The following SYNE1 variants were observed in gnomAD, a reference collection of about 807,000 sequenced individuals.
SYNE1 encodes spectrin repeat containing nuclear envelope protein 1, also known as nesprin-1.
In SYNE1, 616 loss-of-function variants were observed where a neutral mutation model predicts 1,111.0. The observed-to-expected ratio is 0.55, with a 90% CI of 0.52 to 0.59. The LOEUF (loss-of-function observed/expected upper bound fraction) is 0.59. Among genes scored for constraint, SYNE1 ranks in the 20% least tolerant of loss-of-function variants. The pLI is 0.00. For synonymous variants in SYNE1, 3,855 were observed against 3,825.8 expected, an observed-to-expected ratio of 1.01 and a Z score of -0.28; for missense variants, 10,006 against 10,417.0, an observed-to-expected ratio of 0.96 and a Z score of 1.72.
intron 101 of SYNE1, among the ~76,000 whole-genome samples, chr6:152,259,884 T>C (rs2091682432): frequency 1.3e-5 from 2 of 151,980 alleles, no homozygotes; most frequent in Non-Finnish European, 2.9e-5. Context: ...AAAAAGAACA[T>C]TCAATGCTTT....
Position 152,482,958 on chromosome 6 carries a change from T to C in SYNE1, c.1350+127A>G, listed in dbSNP as rs1593629754. 10 of 1,038,888 alleles carry C rather than the reference T, an allele frequency of 9.6e-6. No homozygotes were observed. The East Asian group carries it at 2.4e-4, about 25-fold the overall frequency. 64.4% of individuals were successfully genotyped at this position (1,038,888 alleles called of 1,614,324 possible). A position where few individuals can be genotyped will look rare whatever the true frequency, so the allele number is the denominator to read the frequency against. ...ATCAAATTAGAGAACTCTAAGAAGG[T>C]GTGACGTCTCCGATCATGTAGAATT... On this transcript the variant is annotated intron_variant, in intron 14 of 145. Coordinates refer to ENST00000367255, the MANE Select transcript of SYNE1 (RefSeq NM_182961.4).
In SYNE1 at chr6:152,362,189, G is replaced by C. The variant is rs758991223; in HGVS notation, c.10280C>G (p.Thr3427Arg). The change falls in exon 64 of 146, where the codon ACG becomes AGG. Residue 3427 changes from threonine (T) to arginine (R), a missense_variant. Physicochemically the swap from Thr to Arg is moderately conservative, Grantham distance 71. Transcript: ENST00000367255. ...RQHAELRDKTTMLGKAKLLNE... is the reference protein window; with the variant it reads ...RQHAELRDKTRMLGKAKLLNE... ...TCTCACCTTGGCTTTTCCGAGCATC[G>C]TTGTTTTATCCCGCAGCTCCGCATG... 16 of 1,614,068 alleles carry C rather than the reference G, an allele frequency of 9.9e-6. No homozygotes were observed. The South Asian group carries it at 1.8e-4, about 18-fold the overall frequency.
At chr6:152,386,583 A>C (rs7764344) in intron 54 of SYNE1, among the ~76,000 whole-genome samples, 6,682 of 152,272 alleles carry the variant, frequency 0.044, 194 homozygotes, top group African/African-American at 0.081. Context: ...AAAGATTCAT[A>C]TAGAGAATTG....
chr6:152,236,009 T>G, intron 110 of SYNE1, 98 bp downstream of exon 110: 96 of 1,354,070 alleles, frequency 7.1e-5, no homozygotes, highest in Middle Eastern at 2.2e-4. Flanking sequence ...ACCCAAGTAA[T>G]GAGATTATAG....
At chr6:152,310,968 T>C in intron 87 of SYNE1, 95 bp from the exon 88 acceptor site, 3 of 1,280,248 alleles carry the variant, frequency 2.3e-6, no homozygotes, top group Middle Eastern at 4.8e-4. Flanking sequence ...GTGTAAGTTC[T>C]GTGTGTCCGT....
intron 45 of SYNE1, among the ~76,000 whole-genome samples, chr6:152,406,408 C>T (rs569105252): frequency 2.5e-4 from 38 of 151,266 alleles, no homozygotes; most frequent in African/African-American, 9.0e-4. Flanking sequence ...CCATATCCCC[C>T]GAAGAATGGG....
chr6:152,526,860 G>T (rs923671659), intron 4 of SYNE1, among the ~76,000 whole-genome samples: 2 of 152,164 alleles, frequency 1.3e-5, no homozygotes, highest in African/African-American at 4.8e-5. Context: ...GGAAAAATAA[G>T]CCAAAGACCA....
rs765065253 is a variant in SYNE1, at chr6:152,331,773, C to T, written c.12912G>A (p.Glu4304=). ...DLKDQKQKMI[E]HLNLDDKELV... ...ACTCCTTGTCATCTAAATTCAGATGCTCTATCATTTTCTGCTTTTGATCTT... is the reference window on the plus strand; with the variant it reads ...ACTCCTTGTCATCTAAATTCAGATGTTCTATCATTTTCTGCTTTTGATCTT... The change falls in exon 78 of 146, where the codon GAG becomes GAA. Residue 4304 remains glutamate (E), a synonymous_variant. Coordinates refer to ENST00000367255, the MANE Select transcript of SYNE1 (RefSeq NM_182961.4). 6.2e-7 allele frequency: 1 copy of T among 1,614,218 alleles called. No homozygotes were observed. Among genetic ancestry groups the T allele is most frequent in the South Asian group, 1.1e-5 (1 of 91,084 alleles).
At chr6:152,340,044 A>G (rs369463028) in intron 74 of SYNE1, among the ~76,000 whole-genome samples, 1 of 152,214 alleles carries the variant, frequency 6.6e-6, no homozygotes, top group East Asian at 1.9e-4. Flanking sequence ...ATATAAATAA[A>G]CAAACTTGCA....
At chr6:152,392,087 A>G (rs927546428) in intron 51 of SYNE1, among the ~76,000 whole-genome samples, 3 of 151,984 alleles carry the variant, frequency 2.0e-5, no homozygotes, top group African/African-American at 7.2e-5. Context: ...ATCCACACCA[A>G]TTCAGGGTGG....
At chr6:152,567,837 C>T (rs1231879530) in intron 3 of SYNE1, among the ~76,000 whole-genome samples, 3 of 152,014 alleles carry the variant, frequency 2.0e-5, no homozygotes, top group African/African-American at 4.8e-5. Context: ...CTTGTCCTAT[C>T]AAATATTAAA....
intron 24 of SYNE1, among the ~76,000 whole-genome samples, chr6:152,454,981 T>C (rs1157787119): frequency 6.6e-6 from 1 of 152,126 alleles, no homozygotes; most frequent in African/African-American, 2.4e-5. Context: ...AACATGAAGA[T>C]GATAAACATG....
chr6:152,275,731 A>G (rs2093570627), intron 98 of SYNE1, among the ~76,000 whole-genome samples: 1 of 124,210 alleles, frequency 8.1e-6, no homozygotes, highest in African/African-American at 3.5e-5. Context: ...AAATTAAAAA[A>G]ATTAGCTAGG....
At chr6:152,236,083 T>C (rs771663032) in intron 110 of SYNE1, 24 bp downstream of exon 110, 1 of 1,609,986 alleles carries the variant, frequency 6.2e-7, no homozygotes, top group South Asian at 1.1e-5. Context: ...TATCTAAAAA[T>C]ATACAAAACA....
At chr6:152,309,140 A>ACACC (rs1358945792) in intron 90 of SYNE1, among the ~76,000 whole-genome samples, 1 of 152,170 alleles carries the variant, frequency 6.6e-6, no homozygotes, top group African/African-American at 2.4e-5. Flanking sequence ...CAACATGGTG[A>ACACC]CACCCCCATC....
At chr6:152,300,918 A>G (rs1160436402) in intron 92 of SYNE1, 137 bp from the exon 93 acceptor site, 3 of 1,192,172 alleles carry the variant, frequency 2.5e-6, no homozygotes, top group East Asian at 5.0e-5. Context: ...TCACATATTA[A>G]TCCTGTGTTA....
intron 105 of SYNE1, among the ~76,000 whole-genome samples, chr6:152,246,364 C>A (rs1169299429): frequency 2.7e-5 from 4 of 150,692 alleles, no homozygotes; most frequent in Non-Finnish European, 5.9e-5. Flanking sequence ...CATTAATATA[C>A]CCAGAAAGAT....
At position 152,205,130 on chromosome 6, in the gene SYNE1, T is replaced by A. The variant is rs143937499; in HGVS notation, c.23019+1038A>T. Reference sequence around the variant, plus strand: ...CAATAGAATAAATCCAATGGGTATGTATGCACACTTTAAGCATTAAAAAAA... The same window carrying A: ...CAATAGAATAAATCCAATGGGTATGAATGCACACTTTAAGCATTAAAAAAA... On this transcript the variant is annotated intron_variant, in intron 126 of 145. Transcript: ENST00000367255. Among the ~76,000 whole-genome samples, 1,033 of 151,866 alleles carry A rather than the reference T, an allele frequency of 6.8e-3. 4 individuals carry two copies. The highest frequency in any genetic ancestry group is 9.8e-3 in the Admixed American group (149 of 15,272).
chr6:152,483,674 C>T (rs80033011), intron 13 of SYNE1, among the ~76,000 whole-genome samples: 7,162 of 152,106 alleles, frequency 0.047, 239 homozygotes, highest in Non-Finnish European at 0.067. Context: ...AAACCTCCCA[C>T]GTGATCAGAA....
Sources: allele counts gnomAD v4.1 joint callset (sites outside exome capture counted in the v4.1 genomes callset), GRCh38; gene constraint gnomAD v4.1.1; transcripts MANE v1.5; gene names NCBI Gene and HGNC (gene_info 2026-07-23, HGNC 2026-07-21).